LHCGR: variants seen among roughly 807,000 people sequenced by gnomAD.
LHCGR encodes the protein lutropin-choriogonadotropic hormone receptor.
Under a neutral mutation model 60.7 loss-of-function variants are expected in LHCGR, and 55 were observed. That is an observed-to-expected ratio of 0.91 (90% CI 0.73 to 1.13). The LOEUF (loss-of-function observed/expected upper bound fraction) is 1.13, where lower values mean the gene tolerates loss of function less well. Among genes scored for constraint, LHCGR ranks in the 50% most tolerant of loss-of-function variants. The pLI is 0.00. For synonymous variants in LHCGR, 337 were observed against 316.5 expected (o/e 1.06, Z -0.69); for missense variants, 862 against 836.0 (o/e 1.03, Z -0.38).
At chr2:48,730,875 T>A (rs769065345) in intron 2 of LHCGR, among the ~76,000 whole-genome samples, 10 of 152,220 alleles carry the variant, frequency 6.6e-5, no homozygotes, top group African/African-American at 2.4e-5. Flanking sequence ...TTTTTTTTCC[T>A]ATGTGGGTGT....
Position 48,729,178 on chromosome 2 carries a change from C to G in LHCGR, c.283G>C (p.Asp95His), listed in dbSNP as rs1668874032. ...ATTTCAGACAAATTGAGGAGGTTGT[C>G]AAAGGCATTAGCTTCTATCCTTTCC... ...SLERIEANAF[D>H]NLLNLSEILI... is the part of the protein sequence containing the mutation. Residue 95 changes from aspartate to histidine, a missense_variant, in exon 3 of 11, where the codon GAC (aspartate) becomes CAC (histidine). Coordinates refer to ENST00000294954, the MANE Select transcript of LHCGR (RefSeq NM_000233.4). The G allele has an allele frequency of 6.2e-7, 1 of 1,611,946 alleles. No individual in the cohort carries two copies. Among genetic ancestry groups the G allele is most frequent in the Admixed American group, 1.7e-5 (1 of 59,974 alleles).
At position 48,698,805 on chromosome 2, in the gene LHCGR, A is replaced by G. The variant is rs1375655185; in HGVS notation, c.681-5T>C. On this transcript the variant is annotated splice_polypyrimidine_tract_variant and splice_region_variant and intron_variant, in intron 8 of 10. Transcript: ENST00000294954. ...AATTTGGTGGAAGAAATATCCCTGA[A>G]CAATAAAGGGGAGAAATGCTTTTTA... 3 of 1,610,424 alleles carry G rather than the reference A, an allele frequency of 1.9e-6. No homozygotes were observed. Among genetic ancestry groups the G allele is most frequent in the Non-Finnish European group, 2.5e-6 (3 of 1,176,850 alleles).
chr2:48,726,940 C>A (rs929542961), intron 3 of LHCGR, among the ~76,000 whole-genome samples: 9 of 152,194 alleles, frequency 5.9e-5, no homozygotes, highest in African/African-American at 1.9e-4. Context: ...CCCAGTTTTT[C>A]TGACCCTCAG....
intron 10 of LHCGR, among the ~76,000 whole-genome samples, chr2:48,690,779 A>C (rs967586196): frequency 6.6e-6 from 1 of 152,248 alleles, no homozygotes; most frequent in Non-Finnish European, 1.5e-5. Flanking sequence ...AATTGCAATT[A>C]TCAAAACCTA....
At chr2:48,725,399 C>T (rs1292183238) in intron 4 of LHCGR, among the ~76,000 whole-genome samples, 1 of 152,264 alleles carries the variant, frequency 6.6e-6, no homozygotes, top group Non-Finnish European at 1.5e-5. Context: ...TCTCCCATAC[C>T]CATTGTCAAC....
intron 1 of LHCGR, among the ~76,000 whole-genome samples, chr2:48,743,047 A>C (rs1463283715): frequency 1.3e-5 from 2 of 152,198 alleles, no homozygotes; most frequent in African/African-American, 4.8e-5. Flanking sequence ...AACTACCATC[A>C]GAGAATACTA....
At chr2:48,733,073 C>G (rs1259774932) in intron 1 of LHCGR, 4 of 444,938 alleles carry the variant, frequency 9.0e-6, no homozygotes, top group Non-Finnish European at 1.8e-5. Context: ...TCTGCACTGC[C>G]AAACCAATAA....
At chr2:48,739,891 G>A (rs369931879) in intron 1 of LHCGR, among the ~76,000 whole-genome samples, 7 of 152,314 alleles carry the variant, frequency 4.6e-5, no homozygotes, top group East Asian at 3.9e-4. Context: ...CGTGAGCAAC[G>A]CAGAAGATGG....
At chr2:48,753,591 CT>C (rs2103756634) in intron 1 of LHCGR, among the ~76,000 whole-genome samples, 1 of 152,270 alleles carries the variant, frequency 6.6e-6, no homozygotes, top group South Asian at 2.1e-4. Context: ...TCTTGAAACC[CT>C]GCTGAAAGGC....
At chr2:48,717,076 T>A (rs1179407780) in intron 6 of LHCGR, among the ~76,000 whole-genome samples, 1 of 152,192 alleles carries the variant, frequency 6.6e-6, no homozygotes, top group African/African-American at 2.4e-5. Flanking sequence ...GTCATTGGCT[T>A]GGAATTGTGT....
At chr2:48,732,952 A>C (rs1304421654) in intron 1 of LHCGR, 1 of 534,468 alleles carries the variant, frequency 1.9e-6, no homozygotes, top group East Asian at 5.4e-5. Context: ...ATCCGAGAAG[A>C]ACAGGGACAG....
At chr2:48,737,783 A>T (rs778394744) in intron 1 of LHCGR, among the ~76,000 whole-genome samples, 27 of 152,188 alleles carry the variant, frequency 1.8e-4, no homozygotes, top group Non-Finnish European at 3.4e-4. Context: ...GGTTTTGATT[A>T]TTGTTGATTG....
Position 48,687,838 on chromosome 2 carries a change from C to G in LHCGR, c.1959G>C (p.Arg653Ser). Residue 653 changes from arginine (R) to serine (S), a missense_variant, in exon 11 of 11, where the codon AGG (arginine) becomes AGC (serine). By Grantham distance (110) the Arg-to-Ser change is moderately radical. Transcript: ENST00000294954. ...TGGAGGTGTAAGCTGAAAAATCTTT[C>G]CTTCTATAAAGTTCAGCCCGACGTT... ...CCKRRAELYR[R>S]KDFSAYTSNC... The G allele has an allele frequency of 6.2e-7, 1 of 1,614,104 alleles. No individual in the cohort carries two copies. Among genetic ancestry groups the G allele is most frequent in the Non-Finnish European group, 8.5e-7 (1 of 1,180,026 alleles).
chr2:48,750,888 G>C (rs769356749), intron 1 of LHCGR, among the ~76,000 whole-genome samples: 1 of 152,200 alleles, frequency 6.6e-6, no homozygotes, highest in African/African-American at 2.4e-5. Context: ...CAGCGCTCCT[G>C]GCCAGGGATG....
At position 48,687,719 on chromosome 2, in the gene LHCGR, T is replaced by C; in HGVS notation, c.2078A>G (p.Lys693Arg). ...LHCQGTALLD[K>R]TRYTEC Reference sequence around the variant, plus strand: ...CAGTTAACACTCTGTGTAGCGAGTCTTGTCTAGGAGAGCTGTACCTTGACA... The same window carrying C: ...CAGTTAACACTCTGTGTAGCGAGTCCTGTCTAGGAGAGCTGTACCTTGACA... Residue 693 changes from lysine to arginine, a missense_variant, in exon 11 of 11, where the codon AAG (lysine) becomes AGG (arginine). Physicochemically the swap from Lys to Arg is conservative, Grantham distance 26 (BLOSUM62 2). Transcript: ENST00000294954. The C allele has an allele frequency of 6.2e-7, 1 of 1,613,820 alleles. No individual in the cohort carries two copies. The highest frequency in any genetic ancestry group is 8.5e-7 in the Non-Finnish European group (1 of 1,179,718).
intron 10 of LHCGR, among the ~76,000 whole-genome samples, chr2:48,691,626 A>G (rs1378927625): frequency 6.6e-6 from 1 of 152,060 alleles, no homozygotes; most frequent in Non-Finnish European, 1.5e-5. Flanking sequence ...CTGGCAGATC[A>G]CCTGAGGTCA....
At chr2:48,734,986 A>C (rs1312433602) in intron 1 of LHCGR, among the ~76,000 whole-genome samples, 2 of 152,244 alleles carry the variant, frequency 1.3e-5, no homozygotes, top group African/African-American at 4.8e-5. Flanking sequence ...CTATGCAGCT[A>C]CTTAAATTTA....
chr2:48,701,874 A>G (rs2104400743), intron 8 of LHCGR, among the ~76,000 whole-genome samples: 1 of 152,154 alleles, frequency 6.6e-6, no homozygotes, highest in South Asian at 2.1e-4. Flanking sequence ...TTTTTCTAGA[A>G]CTTTTCTCAT....
chr2:48,734,563 TTCC>T (rs10555455), intron 1 of LHCGR, among the ~76,000 whole-genome samples: 111,083 of 151,776 alleles, frequency 0.73, 41,171 homozygotes, highest in African/African-American at 0.85. Context: ...TTCCTCCTCC[TTCC>T]TCCTCTCTCC....
Sources: allele counts gnomAD v4.1 joint callset (sites outside exome capture counted in the v4.1 genomes callset), GRCh38; gene constraint gnomAD v4.1.1; transcripts MANE v1.5; gene names NCBI Gene and HGNC (gene_info 2026-07-23, HGNC 2026-07-21).